Variants in ZNF385B observed in about 807,000 individuals in gnomAD.
ZNF385B encodes zinc finger protein 385B.
ZNF385B carries 23 observed loss-of-function variants against 39.2 expected under a neutral mutation model. The ratio of observed to expected loss-of-function variants is 0.59; its 90% CI spans 0.42 to 0.83. The LOEUF (loss-of-function observed/expected upper bound fraction) is 0.83, where lower values mean the gene tolerates loss of function less well. Among genes scored for constraint, ZNF385B ranks in the 40% least tolerant of loss-of-function variants. The probability of loss-of-function intolerance (pLI) is 0.00; values close to 1 mark genes in which losing one functional copy is unlikely to be tolerated. For missense variants in ZNF385B, 552 were observed against 598.9 expected (o/e 0.92, Z 0.82); for synonymous variants, 205 against 222.6 (o/e 0.92, Z 0.70).
chr2:179,537,388 CA>C (rs1337038282), intron 4 of ZNF385B, among the ~76,000 whole-genome samples: 1 of 151,500 alleles, frequency 6.6e-6, no homozygotes, highest in Non-Finnish European at 1.5e-5. Context: ...TGCAGATGGT[CA>C]CTATGTGTTT....
intron 6 of ZNF385B, among the ~76,000 whole-genome samples, chr2:179,469,643 C>T (rs964345308): frequency 1.3e-5 from 2 of 152,034 alleles, no homozygotes; most frequent in African/African-American, 2.4e-5. Context: ...GGTTAGAGGT[C>T]CAATTTAGGA....
intron 5 of ZNF385B, among the ~76,000 whole-genome samples, chr2:179,498,710 A>C (rs2056475107): frequency 6.6e-6 from 1 of 151,988 alleles, no homozygotes; most frequent in Non-Finnish European, 1.5e-5. Flanking sequence ...TTATAGTTTT[A>C]AGTGCCTACA....
intron 1 of ZNF385B, among the ~76,000 whole-genome samples, chr2:179,783,564 A>G (rs1276729517): frequency 6.6e-6 from 1 of 152,184 alleles, no homozygotes; most frequent in Non-Finnish European, 1.5e-5. Context: ...TATGGGAGAA[A>G]ATATCTGCAA....
chr2:179,454,727 A>G (rs1490161338), intron 6 of ZNF385B, among the ~76,000 whole-genome samples: 1 of 152,162 alleles, frequency 6.6e-6, no homozygotes, highest in Non-Finnish European at 1.5e-5. Context: ...GTCTTTAATA[A>G]AAGAGTGTAA....
At chr2:179,462,460 C>A (rs1440806001) in intron 6 of ZNF385B, among the ~76,000 whole-genome samples, 3 of 152,044 alleles carry the variant, frequency 2.0e-5, no homozygotes, top group Admixed American at 1.3e-4. Context: ...GAGACTTAAG[C>A]CTTTGCCTTG....
At chr2:179,818,431 T>C (rs1365046943) in intron 1 of ZNF385B, among the ~76,000 whole-genome samples, 3 of 152,242 alleles carry the variant, frequency 2.0e-5, no homozygotes, top group Non-Finnish European at 2.9e-5. Context: ...TATAATTAAC[T>C]AATTTTTCCT....
At chr2:179,674,914 T>G (rs1017694342) in intron 3 of ZNF385B, among the ~76,000 whole-genome samples, 1 of 152,154 alleles carries the variant, frequency 6.6e-6, no homozygotes, top group Non-Finnish European at 1.5e-5. Flanking sequence ...AAATCCTATC[T>G]AACCCATGCA....
intron 3 of ZNF385B, among the ~76,000 whole-genome samples, chr2:179,650,503 T>A (rs2106245389): frequency 6.6e-6 from 1 of 152,286 alleles, no homozygotes; most frequent in African/African-American, 2.4e-5. Context: ...AAAGCCCAAG[T>A]AAAAGATACT....
intron 3 of ZNF385B, among the ~76,000 whole-genome samples, chr2:179,583,383 A>C (rs1026386671): frequency 6.6e-6 from 1 of 152,176 alleles, no homozygotes; most frequent in African/African-American, 2.4e-5. Flanking sequence ...TTTCTAACTA[A>C]TATAGAGAGT....
intron 1 of ZNF385B, among the ~76,000 whole-genome samples, chr2:179,849,497 T>C (rs1708969293): frequency 6.6e-6 from 1 of 152,214 alleles, no homozygotes; most frequent in Non-Finnish European, 1.5e-5. Context: ...TGGAGATTTG[T>C]TGGCATAATT....
chr2:179,635,761 T>A (rs1410680086), intron 3 of ZNF385B, among the ~76,000 whole-genome samples: 2 of 152,160 alleles, frequency 1.3e-5, no homozygotes, highest in Non-Finnish European at 2.9e-5. Context: ...CCCCTTTTCA[T>A]ATTGTAATAA....
intron 3 of ZNF385B, among the ~76,000 whole-genome samples, chr2:179,727,528 G>A (rs1701098437): frequency 6.6e-6 from 1 of 152,060 alleles, no homozygotes; most frequent in African/African-American, 2.4e-5. Flanking sequence ...ATGGGAAACA[G>A]CAACAACGTT....
chr2:179,756,368 T>TC (rs774320924), intron 3 of ZNF385B, among the ~76,000 whole-genome samples: 3 of 152,192 alleles, frequency 2.0e-5, no homozygotes, highest in Non-Finnish European at 4.4e-5. Context: ...CTGATGGGCT[T>TC]CCTTTGTGGG....
chr2:179,503,062 A>G (rs1478463587), intron 5 of ZNF385B, among the ~76,000 whole-genome samples: 1 of 152,052 alleles, frequency 6.6e-6, no homozygotes, highest in Non-Finnish European at 1.5e-5. Context: ...TTTTATAGAG[A>G]TGGGGTTTTA....
intron 5 of ZNF385B, among the ~76,000 whole-genome samples, chr2:179,508,530 A>T (rs964256273): frequency 5.3e-5 from 8 of 152,216 alleles, no homozygotes; most frequent in African/African-American, 1.7e-4. Flanking sequence ...TTTACTTTTG[A>T]CTAAAAGAGT....
At chr2:179,453,267 A>G (rs181734064) in intron 6 of ZNF385B, among the ~76,000 whole-genome samples, 54 of 152,260 alleles carry the variant, frequency 3.5e-4, no homozygotes, top group African/African-American at 1.2e-3. Context: ...TGTGGCCTCA[A>G]TGAAGGACAC....
intron 3 of ZNF385B, among the ~76,000 whole-genome samples, chr2:179,639,589 G>GA (rs1692081667): frequency 6.6e-6 from 1 of 151,934 alleles, no homozygotes; most frequent in African/African-American, 2.4e-5. Context: ...TAGTAAAAAA[G>GA]AAAAAATATA....
chr2:179,547,716 T>C (rs1310191679), intron 3 of ZNF385B, among the ~76,000 whole-genome samples: 2 of 149,694 alleles, frequency 1.3e-5, no homozygotes, highest in Admixed American at 6.6e-5. Context: ...TGTGCTTCCA[T>C]ATACATTTTA....
chr2:179,816,286 A>C (rs971258534), intron 1 of ZNF385B, among the ~76,000 whole-genome samples: 1 of 152,116 alleles, frequency 6.6e-6, no homozygotes, highest in African/African-American at 2.4e-5. Context: ...ACCAGGATCT[A>C]ATCACTTCTC....
Sources: allele counts gnomAD v4.1 joint callset (sites outside exome capture counted in the v4.1 genomes callset), GRCh38; gene constraint gnomAD v4.1.1; transcripts MANE v1.5; gene names NCBI Gene and HGNC (gene_info 2026-07-23, HGNC 2026-07-21).